MEGF6: variants seen among roughly 807,000 people sequenced by gnomAD.
MEGF6 encodes the protein multiple EGF like domains 6.
In MEGF6, 184 loss-of-function variants were observed where a neutral mutation model predicts 207.1. That is an observed-to-expected ratio of 0.89 (90% CI 0.79 to 1.00). The LOEUF (loss-of-function observed/expected upper bound fraction) is 1.00. Ranked by LOEUF, MEGF6 falls within the 50% of genes least tolerant of loss-of-function variation. MEGF6 has a pLI of 0.00. For missense variants in MEGF6, 2,282 were observed against 2,202.9 expected (o/e 1.04, Z -0.72); for synonymous variants, 1,038 against 910.0 (o/e 1.14, Z -2.53).
At chr1:3,563,382 G>A (rs1643257672) in intron 4 of MEGF6, among the ~76,000 whole-genome samples, 1 of 152,170 alleles carries the variant, frequency 6.6e-6, no homozygotes, top group Non-Finnish European at 1.5e-5. Flanking sequence ...CAGACCACCT[G>A]CCCTGTCCAC....
At chr1:3,612,895 C>T (rs1335936690), upstream of MEGF6, among the ~76,000 whole-genome samples, 1 of 152,094 alleles carries the variant, frequency 6.6e-6, no homozygotes, top group Non-Finnish European at 1.5e-5. Context: ...TTGCTGTCAC[C>T]CCAGCTTTAC....
At chr1:3,501,137 C>T (rs1301848540) in intron 19 of MEGF6, 40 bp downstream of exon 19, 2 of 1,612,566 alleles carry the variant, frequency 1.2e-6, no homozygotes, top group Admixed American at 1.7e-5. Context: ...TGGCCACCTA[C>T]CCCAGGTCAA....
intron 4 of MEGF6, among the ~76,000 whole-genome samples, chr1:3,571,469 G>A (rs1233875647): frequency 6.6e-6 from 1 of 151,788 alleles, no homozygotes; most frequent in African/African-American, 2.4e-5. Flanking sequence ...TCCTCCCCAA[G>A]GGTGCTGGGT....
chr1:3,561,173 G>C (rs1281657636), intron 4 of MEGF6, among the ~76,000 whole-genome samples: 1 of 152,222 alleles, frequency 6.6e-6, no homozygotes, highest in Non-Finnish European at 1.5e-5. Context: ...GAGGCTGATG[G>C]AAGGGGGAGA....
At position 3,544,378 on chromosome 1, in the gene MEGF6, T is replaced by C. The variant is rs532818779; in HGVS notation, c.482-20132A>G. ...TGTCCCCTCTGCCCCCAGCACCGTC[T>C]GCACCCTGTAACAGGTGCTCTCAAC... On this transcript the variant is annotated intron_variant, in intron 4 of 36. Transcript: ENST00000356575. Among the ~76,000 whole-genome samples the C allele has an allele frequency of 3.3e-4, 50 of 152,264 alleles. 1 individual carries two copies. The South Asian group carries it at 9.9e-3, about 30-fold the overall frequency.
chr1:3,520,953 C>A (rs1641724095), intron 5 of MEGF6, among the ~76,000 whole-genome samples: 1 of 152,138 alleles, frequency 6.6e-6, no homozygotes, highest in African/African-American at 2.4e-5. Context: ...AGAGCTCTGG[C>A]CCCATGCTGG....
At chr1:3,537,910 C>T (rs1029698769) in intron 4 of MEGF6, among the ~76,000 whole-genome samples, 1 of 152,064 alleles carries the variant, frequency 6.6e-6, no homozygotes, top group Non-Finnish European at 1.5e-5. Context: ...GGGCTGGGAC[C>T]AGGCTTGGAG....
intron 5 of MEGF6, among the ~76,000 whole-genome samples, chr1:3,520,075 A>G (rs994408333): frequency 6.6e-6 from 1 of 152,218 alleles, no homozygotes; most frequent in Non-Finnish European, 1.5e-5. Context: ...GGAGAAGGAC[A>G]GCGGGCCCAC....
chr1:3,555,814 C>G (rs1643016442), intron 4 of MEGF6, among the ~76,000 whole-genome samples: 1 of 152,234 alleles, frequency 6.6e-6, no homozygotes, highest in South Asian at 2.1e-4. Context: ...GCAGGACTTG[C>G]CCCTGCCCCC....
the MEGF6 span, among the ~76,000 whole-genome samples, chr1:3,618,153 G>A: frequency 4.6e-5 from 7 of 152,316 alleles, no homozygotes; most frequent in South Asian, 1.2e-3. This position sits in a 1 kb window ranked among gnomAD's most constrained non-coding sequence, Gnocchi z 4.7. Flanking sequence ...AGCCTGGGAG[G>A]CAGGGCGCCC....
intron 14 of MEGF6, among the ~76,000 whole-genome samples, chr1:3,507,158 G>C (rs1036350785): frequency 1.3e-5 from 2 of 152,222 alleles, no homozygotes; most frequent in African/African-American, 2.4e-5. Context: ...CAGCACATAC[G>C]GCCAGGAAAG....
chr1:3,570,652 G>A (rs1643469355), intron 4 of MEGF6, among the ~76,000 whole-genome samples: 1 of 152,232 alleles, frequency 6.6e-6, no homozygotes, highest in African/African-American at 2.4e-5. Flanking sequence ...CACCAACCTT[G>A]CCTCCAAGAA....
intron 4 of MEGF6, among the ~76,000 whole-genome samples, chr1:3,564,001 A>C (rs1643277659): frequency 6.6e-6 from 1 of 152,224 alleles, no homozygotes; most frequent in Admixed American, 6.5e-5. Context: ...GCTCGTTGTA[A>C]GGGATAATTG....
intron 3 of MEGF6, among the ~76,000 whole-genome samples, chr1:3,582,077 C>T (rs554209868): frequency 9.2e-5 from 14 of 152,348 alleles, no homozygotes; most frequent in South Asian, 6.2e-4. Context: ...ACTCTGCCGG[C>T]GGAGAGGGGC....
chr1:3,595,950 T>G (rs1341172297), intron 2 of MEGF6, among the ~76,000 whole-genome samples: 2 of 152,074 alleles, frequency 1.3e-5, no homozygotes, highest in African/African-American at 4.8e-5. Flanking sequence ...AAACTCCATA[T>G]TTTGAGTCCA....
chr1:3,506,425 C>T (rs1185430948), intron 14 of MEGF6, among the ~76,000 whole-genome samples, 189 bp from the exon 15 acceptor site: 2 of 152,184 alleles, frequency 1.3e-5, no homozygotes, highest in African/African-American at 4.8e-5. Context: ...ACATCCCCTG[C>T]CCCCAGGGTT....
At chr1:3,500,213 G>A (rs1012602401) in intron 21 of MEGF6, among the ~76,000 whole-genome samples, 6 of 152,190 alleles carry the variant, frequency 3.9e-5, no homozygotes, top group African/African-American at 4.8e-5. Flanking sequence ...ACCAAGCCTC[G>A]GGGGCACACA....
intron 4 of MEGF6, among the ~76,000 whole-genome samples, chr1:3,554,199 G>A (rs1397001981): frequency 2.0e-5 from 3 of 152,194 alleles, no homozygotes; most frequent in Admixed American, 6.5e-5. Flanking sequence ...CATGCCGTGG[G>A]CAGGGGCACT....
chr1:3,615,849 C>G (rs1219284219), upstream of MEGF6, among the ~76,000 whole-genome samples: 1 of 152,242 alleles, frequency 6.6e-6, no homozygotes, highest in Non-Finnish European at 1.5e-5. Flanking sequence ...CAGGCCACCA[C>G]TCCTGGGTTA....
Sources: allele counts gnomAD v4.1 joint callset (sites outside exome capture counted in the v4.1 genomes callset), GRCh38; gene constraint gnomAD v4.1.1; non-coding constraint Gnocchi (gnomAD v3.1); transcripts MANE v1.5; gene names NCBI Gene and HGNC (gene_info 2026-07-23, HGNC 2026-07-21).